GNL1: variants seen among roughly 807,000 people sequenced by gnomAD.
The protein encoded by GNL1 is G protein nucleolar 1.
In GNL1, 21 loss-of-function variants were observed where a neutral mutation model predicts 75.2. That is an observed-to-expected ratio of 0.28 (90% CI 0.20 to 0.40). The LOEUF (loss-of-function observed/expected upper bound fraction) is 0.40, where lower values mean the gene tolerates loss of function less well. Among genes scored for constraint, GNL1 ranks in the 10% least tolerant of loss-of-function variants. The pLI, the probability that GNL1 is intolerant of heterozygous loss-of-function variation, is 1.00. For missense variants in GNL1, 579 were observed against 775.0 expected (o/e 0.75, Z 3.00); for synonymous variants, 287 against 303.4 (o/e 0.95, Z 0.56).
rs781151635 is a variant in GNL1 at position 30,553,484 on chromosome 6, T to A, written c.674A>T (p.Asn225Ile). Residue 225 changes from asparagine to isoleucine, a missense_variant, in exon 6 of 12, where the codon AAC becomes ATC. Asn to Ile is a moderately radical substitution (Grantham distance 149). Transcript: ENST00000376621. ...ELGLALVLVL[N>I]KVDLAPPALV... ...AGCTGGCGGGGCCAGATCCACCTTG[T>A]TCAAAACCAGCACCAGGGCCAGTCC... 1 of 1,612,980 alleles carries A rather than the reference T, an allele frequency of 6.2e-7. No individual in the cohort carries two copies. The highest frequency in any genetic ancestry group is 8.5e-7 in the Non-Finnish European group (1 of 1,179,962).
chr6:30,551,721 G>A (rs1799789342), intron 8 of GNL1, among the ~76,000 whole-genome samples: 1 of 152,110 alleles, frequency 6.6e-6, no homozygotes, highest in African/African-American at 2.4e-5. Flanking sequence ...AATTCAAATG[G>A]TTTATATAAA....
In GNL1 at chr6:30,541,544, C is replaced by T. The variant is rs1473936705; in HGVS notation, c.*4528G>A. On this transcript the variant is annotated 3_prime_UTR_variant, in exon 12 of 12. Coordinates refer to ENST00000376621, the MANE Select transcript of GNL1 (RefSeq NM_005275.5). ...AGAAGCAGTAGCAACTCCATGATTC[C>T]AAGGTAATTTAAACAGGCAATTTCA... The T allele has an allele frequency of 6.6e-6, 1 of 152,102 alleles. No individual in the cohort carries two copies. The highest frequency in any genetic ancestry group is 2.4e-5 in the African/African-American group (1 of 41,388). The allele number at this position is 152,102 out of a possible 1,614,324, so 9.4% of individuals were successfully genotyped here. A position where few individuals can be genotyped will look rare whatever the true frequency, so the allele number is the denominator to read the frequency against.
In GNL1 at chr6:30,555,872, G is replaced by A. The variant is rs938844508; in HGVS notation, c.74-152C>T. On this transcript the variant is annotated intron_variant, in intron 1 of 11. Transcript: ENST00000376621. This position sits in a 1 kb window ranked among gnomAD's most constrained non-coding sequence, Gnocchi z 4.3. ...CTATTTGGGACCCTCCCGGATGTGCGTGGGGGGAGTCACTCCTTCAGGGAG... is the reference window on the plus strand; with the variant it reads ...CTATTTGGGACCCTCCCGGATGTGCATGGGGGGAGTCACTCCTTCAGGGAG... The A allele has an allele frequency of 9.1e-6, 8 of 880,810 alleles. No individual in the cohort carries two copies. The highest frequency in any genetic ancestry group is 1.7e-5 in the African/African-American group (1 of 59,758). The allele number at this position is 880,810 out of a possible 1,614,324, so 54.6% of individuals were successfully genotyped here. A position where few individuals can be genotyped will look rare whatever the true frequency, so the allele number is the denominator to read the frequency against.
chr6:30,555,731 G>A lies in GNL1; in HGVS notation c.74-11C>T, dbSNP rs1348038610. Reference sequence around the variant, plus strand: ...GCCCATCTTGAAGCCCTGCGGGGAGGGGCCGGTGACGCCAGTGCTGGCCAG... The same window carrying A: ...GCCCATCTTGAAGCCCTGCGGGGAGAGGCCGGTGACGCCAGTGCTGGCCAG... On this transcript the variant is annotated splice_polypyrimidine_tract_variant and intron_variant, in intron 1 of 11. Transcript: ENST00000376621. This position sits in a 1 kb window ranked among gnomAD's most constrained non-coding sequence, Gnocchi z 4.3. 2 of 1,612,704 alleles carry A rather than the reference G, an allele frequency of 1.2e-6. No individual in the cohort carries two copies. Among genetic ancestry groups the A allele is most frequent in the Non-Finnish European group, 1.7e-6 (2 of 1,179,592 alleles).
Position 30,546,389 on chromosome 6 carries a change from G to T in GNL1, c.1583-76C>A. ...AAAGCCAAGGAAAGATGGGGAAGAG[G>T]CAAAGACTAGGAATAACAATAATCT... On this transcript the variant is annotated intron_variant, in intron 11 of 11. Coordinates refer to ENST00000376621, the MANE Select transcript of GNL1 (RefSeq NM_005275.5). The surrounding 1 kb of genome is among the most constrained non-coding windows in gnomAD (Gnocchi z 5.1). 1.2e-6 allele frequency: 1 copy of T among 846,088 alleles called. No individual in the cohort carries two copies. The highest frequency in any genetic ancestry group is 1.9e-6 in the Non-Finnish European group (1 of 528,398). 52.4% of individuals were successfully genotyped at this position (846,088 alleles called of 1,614,324 possible).
rs763704670 is a variant in GNL1, at chr6:30,554,053, T to C, written c.601-496A>G. ...ACGTGTGAGTATGTGTGTGTACATA[T>C]TATTAAGGACCTCCAACCTAAATGG... On this transcript the variant is annotated intron_variant, in intron 5 of 11. Transcript: ENST00000376621. 7.2e-5 allele frequency among the ~76,000 whole-genome samples: 11 copies of C among 152,204 alleles called. 1 individual carries two copies. The South Asian group carries it at 1.2e-3, about 17-fold the overall frequency.
At position 30,555,770 on chromosome 6, in the gene GNL1, T is replaced by C; in HGVS notation, c.74-50A>G. ...AGTGCTGGCCAGCTCTCAGGGGCCA[T>C]AAGACCCTCTCCCCCATCGGCCTGA... On this transcript the variant is annotated intron_variant, in intron 1 of 11. Transcript: ENST00000376621. The surrounding 1 kb of genome is among the most constrained non-coding windows in gnomAD (Gnocchi z 4.3). 3 of 1,573,500 alleles carry C rather than the reference T, an allele frequency of 1.9e-6. No homozygotes were observed. The highest frequency in any genetic ancestry group is 2.6e-6 in the Non-Finnish European group (3 of 1,148,452).
At position 30,555,339 on chromosome 6, in the gene GNL1, T is replaced by C; in HGVS notation, c.240-148A>G. The C allele has an allele frequency of 9.5e-7, 1 of 1,049,704 alleles. No individual in the cohort carries two copies. Among genetic ancestry groups the C allele is most frequent in the Non-Finnish European group, 1.4e-6 (1 of 705,018 alleles). 65.0% of individuals were successfully genotyped at this position (1,049,704 alleles called of 1,614,324 possible). ...AAGTCAGACTTCCCCCAAGTCCTTC[T>C]TTCAGGCAATACTCAGCCTTCTCCT... On this transcript the variant is annotated intron_variant, in intron 2 of 11. Coordinates refer to ENST00000376621, the MANE Select transcript of GNL1 (RefSeq NM_005275.5). This position sits in a 1 kb window ranked among gnomAD's most constrained non-coding sequence, Gnocchi z 4.3.
intron 8 of GNL1, among the ~76,000 whole-genome samples, chr6:30,549,071 CACT>C (rs1322615572): frequency 6.6e-6 from 1 of 152,112 alleles, no homozygotes; most frequent in Non-Finnish European, 1.5e-5. Context: ...GATGTTGGCT[CACT>C]ACAACCTCAT....
rs1013456955 is a variant in GNL1, at chr6:30,555,245, A to G, written c.240-54T>C. On this transcript the variant is annotated intron_variant, in intron 2 of 11. Transcript: ENST00000376621. This position sits in a 1 kb window ranked among gnomAD's most constrained non-coding sequence, Gnocchi z 4.3. ...AGCAATCCTGTGGCCACAAACTCCT[A>G]TTTTCTCCCCTCTTGTACAATCAAC... 26 of 1,605,920 alleles carry G rather than the reference A, an allele frequency of 1.6e-5. No homozygotes were observed. In the African/African-American group the frequency reaches 3.1e-4, roughly 19 times the overall value.
Position 30,545,675 on chromosome 6 carries a change from C to T in GNL1, c.*397G>A, listed in dbSNP as rs1033598745. 4 of 229,818 alleles carry T rather than the reference C, an allele frequency of 1.7e-5. No individual in the cohort carries two copies. Among genetic ancestry groups the T allele is most frequent in the South Asian group, 5.8e-5 (1 of 17,302 alleles). The allele number at this position is 229,818 out of a possible 1,614,324, so 14.2% of individuals were successfully genotyped here. ...AAGCTCCTGGAATGAGCAGGTCTGG[C>T]GGCAGGGGGCACACAGGGCTGCTGC... On this transcript the variant is annotated 3_prime_UTR_variant, in exon 12 of 12. Coordinates refer to ENST00000376621, the MANE Select transcript of GNL1 (RefSeq NM_005275.5).
rs1196064674 is a variant in GNL1, at chr6:30,541,748, T to G, written c.*4324A>C. The G allele has an allele frequency of 6.6e-6, 1 of 152,240 alleles. No homozygotes were observed. The highest frequency in any genetic ancestry group is 1.5e-5 in the Non-Finnish European group (1 of 68,044). The allele number at this position is 152,240 out of a possible 1,614,324, so 9.4% of individuals were successfully genotyped here. A position where few individuals can be genotyped will look rare whatever the true frequency, so the allele number is the denominator to read the frequency against. On this transcript the variant is annotated 3_prime_UTR_variant, in exon 12 of 12. Transcript: ENST00000376621. ...TAGAATTTATAATTTTTACTGCATATTGCAGTTACTCGTATATTACTGACA... is the reference window on the plus strand; with the variant it reads ...TAGAATTTATAATTTTTACTGCATAGTGCAGTTACTCGTATATTACTGACA...
In GNL1 at chr6:30,555,147, C is replaced by T. The variant is rs373241512; in HGVS notation, c.284G>A (p.Arg95Lys). The T allele has an allele frequency of 7.4e-6, 12 of 1,613,076 alleles. No homozygotes were observed. In the East Asian group the frequency reaches 8.9e-5, roughly 12 times the overall value. ...FERDSREEVE[R>K]RKRAAREQVL... ...TTGCTCCCGGGCTGCTCTCTTTCTCCTCTCTACCTCCTCCCTGCTGTCTCT... is the reference window on the plus strand; with the variant it reads ...TTGCTCCCGGGCTGCTCTCTTTCTCTTCTCTACCTCCTCCCTGCTGTCTCT... The change falls in exon 3 of 12, where the codon AGG (arginine) becomes AAG (lysine). Residue 95 changes from arginine to lysine, a missense_variant. By Grantham distance (26) the Arg-to-Lys change is conservative. Transcript: ENST00000376621. This position sits in a 1 kb window ranked among gnomAD's most constrained non-coding sequence, Gnocchi z 4.3.
rs941560663 is a variant in GNL1, at chr6:30,542,609, A to C, written c.*3463T>G. ...GTCAGAAACAGGATGTATACTCTTGACTTGTCTCTCTCCCCTACACAGCAA... is the reference window on the plus strand; with the variant it reads ...GTCAGAAACAGGATGTATACTCTTGCCTTGTCTCTCTCCCCTACACAGCAA... On this transcript the variant is annotated 3_prime_UTR_variant, in exon 12 of 12. Transcript: ENST00000376621. This position sits in a 1 kb window ranked among gnomAD's most constrained non-coding sequence, Gnocchi z 4.5. 7 of 152,110 alleles carry C rather than the reference A, an allele frequency of 4.6e-5. No individual in the cohort carries two copies. The highest frequency in any genetic ancestry group is 7.2e-5 in the African/African-American group (3 of 41,396). 9.4% of individuals were successfully genotyped at this position (152,110 alleles called of 1,614,324 possible).
Position 30,547,558 on chromosome 6 carries a change from TAA to T in GNL1, c.1100-30_1100-29del, listed in dbSNP as rs774011356. On this transcript the variant is annotated intron_variant, in intron 8 of 11. Coordinates refer to ENST00000376621, the MANE Select transcript of GNL1 (RefSeq NM_005275.5). This position sits in a 1 kb window ranked among gnomAD's most constrained non-coding sequence, Gnocchi z 5.5. ...GAGGAAGGCAAGGAAAATTAACGTT[TAA>T]CAGGTTTCTACTCTGTGATGGGACT... 6.3e-7 allele frequency: 1 copy of T among 1,599,746 alleles called. No individual in the cohort carries two copies. The highest frequency in any genetic ancestry group is 1.1e-5 in the South Asian group (1 of 90,664).
At chr6:30,553,001 G>A in intron 7 of GNL1, 83 bp downstream of exon 7, 3 of 954,166 alleles carry the variant, frequency 3.1e-6, no homozygotes, top group Non-Finnish European at 5.0e-6. Context: ...AGAGGGGTTG[G>A]CTTCAGGAAA....
At position 30,542,449 on chromosome 6, in the gene GNL1, T is replaced by C. The variant is rs1433823709; in HGVS notation, c.*3623A>G. 1 of 152,434 alleles carries C rather than the reference T, an allele frequency of 6.6e-6. No individual in the cohort carries two copies. The highest frequency in any genetic ancestry group is 1.5e-5 in the Non-Finnish European group (1 of 68,114). The allele number at this position is 152,434 out of a possible 1,614,324, so 9.4% of individuals were successfully genotyped here. On this transcript the variant is annotated 3_prime_UTR_variant, in exon 12 of 12. Transcript: ENST00000376621. The surrounding 1 kb of genome is among the most constrained non-coding windows in gnomAD (Gnocchi z 4.5). ...TATATGTTGATGATGCCCAAATCTC[T>C]GTCTCCAGCCACGACCTCTCTTTCC...
At position 30,555,880 on chromosome 6, in the gene GNL1, A is replaced by G; in HGVS notation, c.74-160T>C. Reference sequence around the variant, plus strand: ...GACCCTCCCGGATGTGCGTGGGGGGAGTCACTCCTTCAGGGAGCAGTGGGG... The same window carrying G: ...GACCCTCCCGGATGTGCGTGGGGGGGGTCACTCCTTCAGGGAGCAGTGGGG... On this transcript the variant is annotated intron_variant, in intron 1 of 11. Coordinates refer to ENST00000376621, the MANE Select transcript of GNL1 (RefSeq NM_005275.5). The surrounding 1 kb of genome is among the most constrained non-coding windows in gnomAD (Gnocchi z 4.3). 1.2e-6 allele frequency: 1 copy of G among 842,368 alleles called. No homozygotes were observed. Among genetic ancestry groups the G allele is most frequent in the Non-Finnish European group, 1.8e-6 (1 of 542,638 alleles). 52.2% of individuals were successfully genotyped at this position (842,368 alleles called of 1,614,324 possible). A position where few individuals can be genotyped will look rare whatever the true frequency, so the allele number is the denominator to read the frequency against.
In GNL1 at chr6:30,547,323, CT is replaced by C. The variant is rs746226071; in HGVS notation, c.1278+28del. The C allele has an allele frequency of 7.6e-6, 12 of 1,584,080 alleles. No homozygotes were observed. The highest frequency in any genetic ancestry group is 1.8e-5 in the Admixed American group (1 of 55,484). On this transcript the variant is annotated intron_variant, in intron 9 of 11. Coordinates refer to ENST00000376621, the MANE Select transcript of GNL1 (RefSeq NM_005275.5). The surrounding 1 kb of genome is among the most constrained non-coding windows in gnomAD (Gnocchi z 5.5). ...CTTTCCTCAATGTCCCACCTTCTCT[CT>C]TTCCCTTACCCACCCTCCCCGTCAT...
Sources: gnomAD v4.1 joint callset for allele counts (sites outside exome capture counted in the v4.1 genomes callset) on GRCh38, gnomAD v4.1.1 for gene constraint, Gnocchi (gnomAD v3.1) non-coding constraint, MANE v1.5 for transcripts, NCBI Gene and HGNC (gene_info 2026-07-23, HGNC 2026-07-21) for gene names.